Variants in SLC38A6 observed in about 807,000 individuals in gnomAD.
SLC38A6 encodes N system amino acid transporter NAT-1.
In SLC38A6, 73 loss-of-function variants were observed where a neutral mutation model predicts 65.0. The observed-to-expected ratio is 1.12, with a 90% CI of 0.93 to 1.37. The LOEUF (loss-of-function observed/expected upper bound fraction) is 1.37. Among genes scored for constraint, SLC38A6 ranks in the 40% most tolerant of loss-of-function variants. The pLI is 0.00. For synonymous variants in SLC38A6, 183 were observed against 178.8 expected, an observed-to-expected ratio of 1.02 and a Z score of -0.19; for missense variants, 561 against 531.1, an observed-to-expected ratio of 1.06 and a Z score of -0.55.
Position 60,982,505 on chromosome 14 carries a change from C to T in SLC38A6, c.106-3C>T, listed in dbSNP as rs2037135471. 1.2e-6 allele frequency: 2 copies of T among 1,605,692 alleles called. No individual in the cohort carries two copies. Among genetic ancestry groups the T allele is most frequent in the Admixed American group, 1.7e-5 (1 of 58,070 alleles). ...TAACACTACTAAATTTGTGTGCTTA[C>T]AGGAACTTCACAGACAGCGATCCCC... On this transcript the variant is annotated splice_region_variant and splice_polypyrimidine_tract_variant and intron_variant, in intron 1 of 15. Coordinates refer to ENST00000267488, the MANE Select transcript of SLC38A6 (RefSeq NM_153811.3).
At chr14:61,012,182 T>C (rs1294745344) in intron 3 of SLC38A6, among the ~76,000 whole-genome samples, 1 of 152,256 alleles carries the variant, frequency 6.6e-6, no homozygotes, top group Non-Finnish European at 1.5e-5. Context: ...GAGGTGTTTA[T>C]AGTATTCTCT....
intron 3 of SLC38A6, among the ~76,000 whole-genome samples, chr14:60,993,409 A>C (rs2038054015): frequency 2.0e-5 from 3 of 152,168 alleles, no homozygotes; most frequent in African/African-American, 7.2e-5. Flanking sequence ...GGAACCTGGA[A>C]GCTTATTTTC....
chr14:61,044,690 CTT>C, intron 10 of SLC38A6, among the ~76,000 whole-genome samples: 1 of 152,216 alleles, frequency 6.6e-6, no homozygotes, highest in South Asian at 2.1e-4. Flanking sequence ...TAAATGGTAA[CTT>C]TTTTTGCTTT....
chr14:61,053,315 A>C (rs959625944), downstream of SLC38A6, among the ~76,000 whole-genome samples: 1 of 152,152 alleles, frequency 6.6e-6, no homozygotes, highest in Non-Finnish European at 1.5e-5. Context: ...GGCTATAGTG[A>C]ATAGTGCTAC....
chr14:61,022,511 C>T (rs912687472), intron 5 of SLC38A6, among the ~76,000 whole-genome samples: 2 of 149,848 alleles, frequency 1.3e-5, no homozygotes, highest in Non-Finnish European at 3.0e-5. Context: ...ATAAGTTAAT[C>T]GTACAATGAC....
intron 2 of SLC38A6, among the ~76,000 whole-genome samples, chr14:60,982,936 A>G (rs2037171055): frequency 6.6e-6 from 1 of 152,176 alleles, no homozygotes; most frequent in South Asian, 2.1e-4. Context: ...GGCCAAAGTG[A>G]ATCAAAGCCA....
At chr14:61,001,675 T>C (rs1426522827) in intron 3 of SLC38A6, among the ~76,000 whole-genome samples, 1 of 152,190 alleles carries the variant, frequency 6.6e-6, no homozygotes, top group Non-Finnish European at 1.5e-5. Flanking sequence ...ATAATAGCTT[T>C]TGGTTATCTA....
intron 15 of SLC38A6, among the ~76,000 whole-genome samples, chr14:61,062,026 A>G (rs1367522190): frequency 6.6e-6 from 1 of 151,972 alleles, no homozygotes; most frequent in East Asian, 1.9e-4. Flanking sequence ...TTTAGTAGAG[A>G]TGGGGTTTTA....
chr14:60,987,134 A>T (rs187833324), intron 3 of SLC38A6: 4 of 307,848 alleles, frequency 1.3e-5, no homozygotes, highest in South Asian at 2.6e-5. Context: ...AATTCCTTCA[A>T]TCTTTGTAAA....
chr14:60,990,946 T>A (rs1242228503), intron 3 of SLC38A6, among the ~76,000 whole-genome samples: 1 of 152,116 alleles, frequency 6.6e-6, no homozygotes, highest in Non-Finnish European at 1.5e-5. Flanking sequence ...CCTCCCAGAG[T>A]GCTTGGGATT....
chr14:61,082,071 A>G lies in SLC38A6; in HGVS notation c.1409-1484A>G, dbSNP rs371367676. 3.4e-4 allele frequency among the ~76,000 whole-genome samples: 52 copies of G among 152,240 alleles called. No individual in the cohort carries two copies. In the South Asian group the frequency reaches 0.01, roughly 30 times the overall value. Reference sequence around the variant, plus strand: ...GGCTGTAAACAACTGCAGGGCAGTGACCATCACCTCTGCTTTTCTGCATCC... The same window carrying G: ...GGCTGTAAACAACTGCAGGGCAGTGGCCATCACCTCTGCTTTTCTGCATCC... On this transcript the variant is annotated intron_variant, in intron 16 of 16. Transcript: ENST00000354886.
intron 3 of SLC38A6, among the ~76,000 whole-genome samples, chr14:61,008,738 A>G (rs2039334296): frequency 6.6e-6 from 1 of 152,184 alleles, no homozygotes; most frequent in African/African-American, 2.4e-5. Flanking sequence ...ATGATGACAA[A>G]AGAAAGTATA....
intron 15 of SLC38A6, among the ~76,000 whole-genome samples, chr14:61,061,826 T>TTTTTTG (rs397736924): frequency 3.0e-4 from 46 of 150,910 alleles, no homozygotes; most frequent in South Asian, 1.7e-3. Flanking sequence ...TGTGCAGGTT[T>TTTTTTG]TTTTGTTTTG....
At chr14:61,019,620 T>A in intron 5 of SLC38A6, 40 bp downstream of exon 5, 1 of 1,584,452 alleles carries the variant, frequency 6.3e-7, no homozygotes, top group Non-Finnish European at 8.7e-7. Context: ...ATAAATGTGA[T>A]GGCAATAATG....
chr14:61,006,199 A>G (rs2039102863), intron 3 of SLC38A6, among the ~76,000 whole-genome samples: 1 of 152,362 alleles, frequency 6.6e-6, no homozygotes, highest in Middle Eastern at 3.4e-3. Flanking sequence ...AAAGACTTAA[A>G]CATTAGATCT....
intron 3 of SLC38A6, among the ~76,000 whole-genome samples, chr14:60,999,666 A>T (rs2038563263): frequency 1.3e-5 from 2 of 152,364 alleles, no homozygotes; most frequent in South Asian, 4.1e-4. Flanking sequence ...TGGAGAGATT[A>T]TCCTGGTGGA....
chr14:61,077,407 T>C (rs956661660), intron 15 of SLC38A6, among the ~76,000 whole-genome samples: 53 of 152,236 alleles, frequency 3.5e-4, no homozygotes, highest in African/African-American at 1.3e-3. Flanking sequence ...TCATTACTAA[T>C]CCTAACCTTT....
chr14:61,034,863 A>G (rs559413001), intron 6 of SLC38A6, among the ~76,000 whole-genome samples: 4 of 152,258 alleles, frequency 2.6e-5, no homozygotes, highest in Admixed American at 2.6e-4. Flanking sequence ...ATTAGGGTGG[A>G]GAAGGGAAAA....
intron 8 of SLC38A6, 93 bp from the exon 9 acceptor site, chr14:61,043,054 T>A (rs1311272804): frequency 1.3e-6 from 1 of 775,800 alleles, no homozygotes; most frequent in African/African-American, 1.8e-5. Flanking sequence ...ATTAGCATCT[T>A]ATTTAATTGA....
Sources: allele counts gnomAD v4.1 joint callset (sites outside exome capture counted in the v4.1 genomes callset), GRCh38; gene constraint gnomAD v4.1.1; transcripts MANE v1.5; gene names NCBI Gene and HGNC (gene_info 2026-07-23, HGNC 2026-07-21).